Variants in UNK observed in about 807,000 individuals in gnomAD.
The protein encoded by UNK is RING finger protein unkempt homolog.
A neutral mutation model predicts 97.6 loss-of-function variants in UNK; 32 were observed. The observed-to-expected ratio is 0.33, with a 90% CI of 0.25 to 0.44. The LOEUF is 0.44. Among genes scored for constraint, UNK ranks in the 20% least tolerant of loss-of-function variants. The pLI is 1.00. For missense variants in UNK, 771 were observed against 1,098.4 expected, an observed-to-expected ratio of 0.70 and a Z score of 4.21; for synonymous variants, 441 against 461.2, an observed-to-expected ratio of 0.96 and a Z score of 0.56.
chr17:75,807,536 A>G (rs1423929522), intron 1 of UNK, among the ~76,000 whole-genome samples: 3 of 152,088 alleles, frequency 2.0e-5, no homozygotes, highest in African/African-American at 7.2e-5. Flanking sequence ...GCTCACTGCA[A>G]CCTCCGCCTC....
At chr17:75,785,117 T>A in intron 1 of UNK, 133 bp downstream of exon 1, 1 of 577,040 alleles carries the variant, frequency 1.7e-6, no homozygotes, top group East Asian at 3.5e-5. Flanking sequence ...CCCAGACCGG[T>A]TCCAACCTGC....
rs1394422109 is a variant in UNK at position 75,824,490 on chromosome 17, A to G, written c.*73A>G. On this transcript the variant is annotated 3_prime_UTR_variant, in exon 16 of 16. Coordinates refer to ENST00000589666, the MANE Select transcript of UNK (RefSeq NM_001080419.3). The surrounding 1 kb of genome is among the most constrained non-coding windows in gnomAD (Gnocchi z 4.9). ...TTTTAAAGTATATATATATATATGAATATATATATATATGTGTATGTATGT... is the reference window on the plus strand; with the variant it reads ...TTTTAAAGTATATATATATATATGAGTATATATATATATGTGTATGTATGT... 5.6e-6 allele frequency: 4 copies of G among 708,738 alleles called. No individual in the cohort carries two copies. Among genetic ancestry groups the G allele is most frequent in the Non-Finnish European group, 7.3e-6 (4 of 547,796 alleles). 43.9% of individuals were successfully genotyped at this position (708,738 alleles called of 1,614,324 possible).
intron 13 of UNK, chr17:75,821,405 C>T (rs762447846): frequency 4.4e-6 from 2 of 455,944 alleles, no homozygotes; most frequent in South Asian, 3.1e-5. Context: ...GAGGGGCCTA[C>T]CTGGACAGCA....
intron 1 of UNK, among the ~76,000 whole-genome samples, chr17:75,790,776 C>T (rs557697467): frequency 2.4e-4 from 36 of 151,652 alleles, no homozygotes; most frequent in Admixed American, 5.3e-4. Flanking sequence ...ACTAAAAATA[C>T]AAAAATTAGC....
At chr17:75,807,188 C>T (rs560818179) in intron 1 of UNK, among the ~76,000 whole-genome samples, 46 of 152,332 alleles carry the variant, frequency 3.0e-4, no homozygotes, top group Middle Eastern at 6.8e-3. Flanking sequence ...ACCAGGCAGG[C>T]ATGTGTCACT....
At chr17:75,800,505 G>A (rs59769379) in intron 1 of UNK, among the ~76,000 whole-genome samples, 1 of 151,600 alleles carries the variant, frequency 6.6e-6, no homozygotes, top group African/African-American at 2.4e-5. Flanking sequence ...TTGGGAGGCC[G>A]AGGCGGGCGG....
chr17:75,823,176 G>A lies in UNK; in HGVS notation c.2020-89G>A, dbSNP rs553737192. 6.2e-4 allele frequency: 928 copies of A among 1,494,712 alleles called. 3 individuals carry two copies. Among genetic ancestry groups the A allele is most frequent in the Middle Eastern group, 4.6e-3 (19 of 4,168 alleles). The allele number at this position is 1,494,712 out of a possible 1,614,324, so 92.6% of individuals were successfully genotyped here. The stretch of plus-strand genomic sequence containing the variant: ...CCAACCCAGCTTCCCACCAGGCCTC[G>A]CAGCCAGAGTGGCCCCCAAAAGATG... On this transcript the variant is annotated intron_variant, in intron 14 of 15. Transcript: ENST00000589666.
At chr17:75,789,769 G>A (rs1599356273) in intron 1 of UNK, among the ~76,000 whole-genome samples, 1 of 152,118 alleles carries the variant, frequency 6.6e-6, no homozygotes, top group African/African-American at 2.4e-5. Flanking sequence ...GAGAACTTTT[G>A]TAGCAATCAC....
At chr17:75,797,965 C>CTCAA (rs2061821692) in intron 1 of UNK, among the ~76,000 whole-genome samples, 1 of 151,946 alleles carries the variant, frequency 6.6e-6, no homozygotes, top group African/African-American at 2.4e-5. Context: ...TGTCTCTGTA[C>CTCAA]TCAAATCTGT....
Position 75,816,867 on chromosome 17 carries a change from G to T in UNK, c.1059G>T (p.Ser353=). 1 of 1,607,020 alleles carries T rather than the reference G, an allele frequency of 6.2e-7. No homozygotes were observed. Among genetic ancestry groups the T allele is most frequent in the South Asian group, 1.1e-5 (1 of 90,674 alleles). The change falls in exon 8 of 16, where the codon TCG becomes TCT. Residue 353 remains serine (S), a synonymous_variant. Coordinates refer to ENST00000589666, the MANE Select transcript of UNK (RefSeq NM_001080419.3). The surrounding 1 kb of genome is among the most constrained non-coding windows in gnomAD (Gnocchi z 4.0). ...VLYMPSAAGD[S]VPVSPSSPHA... is the part of the protein sequence containing the mutation. ...ACATGCCATCTGCCGCCGGAGACTC[G>T]GTGCCTGTGAGCCCCTCCAGCCCGC...
intron 1 of UNK, among the ~76,000 whole-genome samples, chr17:75,787,198 C>T (rs533296416): frequency 1.3e-5 from 2 of 152,190 alleles, no homozygotes; most frequent in Admixed American, 1.3e-4. Flanking sequence ...GGAACCAGCA[C>T]ACTTGCTGGC....
Position 75,812,429 on chromosome 17 carries a change from C to A in UNK, c.492-26C>A, listed in dbSNP as rs777393852. The A allele has an allele frequency of 3.1e-6, 5 of 1,603,336 alleles. No homozygotes were observed. The Admixed American group carries it at 6.8e-5, about 22-fold the overall frequency. The stretch of plus-strand genomic sequence containing the variant: ...TGCCCCCTCATGCCCCCTCTCCACC[C>A]TCTCTGTTCTTTCCTCTCCTCCCAG... On this transcript the variant is annotated intron_variant, in intron 3 of 15. Coordinates refer to ENST00000589666, the MANE Select transcript of UNK (RefSeq NM_001080419.3).
intron 13 of UNK, among the ~76,000 whole-genome samples, chr17:75,820,717 G>A (rs1249566149): frequency 1.3e-5 from 2 of 152,110 alleles, no homozygotes; most frequent in South Asian, 4.1e-4. Flanking sequence ...ACTGCGGGCC[G>A]GCTGTGCATC....
chr17:75,806,511 C>T (rs1403721293), intron 1 of UNK, among the ~76,000 whole-genome samples: 3 of 141,096 alleles, frequency 2.1e-5, no homozygotes, highest in Admixed American at 7.1e-5. Context: ...CGGTGGCTCA[C>T]GCCTGTAATC....
At chr17:75,803,179 A>G (rs1015759043) in intron 1 of UNK, among the ~76,000 whole-genome samples, 2 of 125,184 alleles carry the variant, frequency 1.6e-5, no homozygotes, top group African/African-American at 7.5e-5. Context: ...CGGGCACATC[A>G]TGAGGTCAGG....
intron 1 of UNK, among the ~76,000 whole-genome samples, chr17:75,796,560 C>G (rs1268822628): frequency 6.6e-6 from 1 of 152,160 alleles, no homozygotes; most frequent in Non-Finnish European, 1.5e-5. Context: ...CTTCTGGCCT[C>G]AAGCAGTCGT....
At chr17:75,785,090 T>TTCC in intron 1 of UNK, 106 bp downstream of exon 1, 1 of 580,092 alleles carries the variant, frequency 1.7e-6, no homozygotes, top group Non-Finnish European at 2.8e-6. Context: ...CCTCCCCCCC[T>TTCC]TCCTCCTCCG....
rs564680032 is a variant in UNK at position 75,786,920 on chromosome 17, G to A, written c.104+1936G>A. On this transcript the variant is annotated intron_variant, in intron 1 of 15. Transcript: ENST00000589666. ...TCCATTCCTTGTGGGTAAGTATAGA[G>A]TAATGGGACCTGGCTCTTGAGGTGT... 3.5e-3 allele frequency among the ~76,000 whole-genome samples: 534 copies of A among 152,308 alleles called. 2 individuals carry two copies. The highest frequency in any genetic ancestry group is 5.2e-3 in the Non-Finnish European group (355 of 68,022).
chr17:75,810,980 G>A (rs370033462), intron 2 of UNK, among the ~76,000 whole-genome samples: 2 of 150,562 alleles, frequency 1.3e-5, no homozygotes, highest in African/African-American at 4.9e-5. Flanking sequence ...CTCTGTTGCC[G>A]AGGCTGGAAT....
Sources: gnomAD v4.1 joint callset for allele counts (sites outside exome capture counted in the v4.1 genomes callset) on GRCh38, gnomAD v4.1.1 for gene constraint, Gnocchi (gnomAD v3.1) non-coding constraint, MANE v1.5 for transcripts, NCBI Gene and HGNC (gene_info 2026-07-23, HGNC 2026-07-21) for gene names.